Variants in CADPS observed in about 807,000 individuals in gnomAD.
The protein encoded by CADPS is calcium-dependent secretion activator 1.
A neutral mutation model predicts 167.3 loss-of-function variants in CADPS; 57 were observed. The ratio of observed to expected loss-of-function variants is 0.34; its 90% CI spans 0.28 to 0.42. CADPS has a LOEUF of 0.42. Among genes scored for constraint, CADPS ranks in the 20% least tolerant of loss-of-function variants. CADPS has a pLI of 1.00. For synonymous variants in CADPS, 676 were observed against 635.3 expected (o/e 1.06, Z -0.96); for missense variants, 1,414 against 1,738.1 (o/e 0.81, Z 3.32).
intron 2 of CADPS, among the ~76,000 whole-genome samples, chr3:62,763,597 G>A (rs1355523368): frequency 1.3e-5 from 2 of 152,160 alleles, no homozygotes; most frequent in Non-Finnish European, 2.9e-5. Context: ...ACCCAGAGTT[G>A]GGTACAGGAA....
chr3:62,401,521 T>C (rs1318115737), intron 29 of CADPS, among the ~76,000 whole-genome samples: 1 of 152,214 alleles, frequency 6.6e-6, no homozygotes, highest in Non-Finnish European at 1.5e-5. Flanking sequence ...ATAAATGAAG[T>C]GGCTGTTGAT....
intron 6 of CADPS, among the ~76,000 whole-genome samples, chr3:62,612,657 C>T (rs1431982683): frequency 2.0e-5 from 3 of 152,202 alleles, no homozygotes; most frequent in East Asian, 3.9e-4. Context: ...ATGACTTCTA[C>T]TCTGGGCTTG....
At chr3:62,626,696 G>T in intron 6 of CADPS, 1 of 554,072 alleles carries the variant, frequency 1.8e-6, no homozygotes. Context: ...AATCAATCTA[G>T]AATTTACTAA....
intron 6 of CADPS, among the ~76,000 whole-genome samples, chr3:62,600,270 CT>C (rs1388944870): frequency 6.6e-6 from 1 of 151,674 alleles, no homozygotes; most frequent in African/African-American, 2.4e-5. Flanking sequence ...TCCATGAAGG[CT>C]GAGGAATGGC....
intron 1 of CADPS, among the ~76,000 whole-genome samples, chr3:62,784,118 T>G (rs304204): frequency 0.75 from 114,466 of 152,088 alleles, 43,372 homozygotes; most frequent in East Asian, 0.95. Context: ...CAAAGACTGC[T>G]GGGATTCTAT....
chr3:62,726,989 A>C (rs934991533), intron 3 of CADPS, among the ~76,000 whole-genome samples: 1 of 151,876 alleles, frequency 6.6e-6, no homozygotes, highest in African/African-American at 2.4e-5. Flanking sequence ...GAAAACAGGA[A>C]GCACCTAGAC....
intron 28 of CADPS, among the ~76,000 whole-genome samples, chr3:62,416,630 G>T (rs1173917348): frequency 6.6e-6 from 1 of 152,106 alleles, no homozygotes; most frequent in Non-Finnish European, 1.5e-5. Context: ...CCAATAAAAA[G>T]AAAAGAACAT....
chr3:62,457,357 C>T (rs1397449150), intron 26 of CADPS, among the ~76,000 whole-genome samples: 2 of 152,118 alleles, frequency 1.3e-5, no homozygotes, highest in Non-Finnish European at 2.9e-5. Context: ...CCAGTGCACA[C>T]TGAAATAAAC....
intron 28 of CADPS, among the ~76,000 whole-genome samples, chr3:62,423,325 C>A (rs1228820563): frequency 6.6e-6 from 1 of 152,200 alleles, no homozygotes; most frequent in Non-Finnish European, 1.5e-5. Flanking sequence ...CTATGCAACA[C>A]CCATCATTGT....
intron 6 of CADPS, among the ~76,000 whole-genome samples, chr3:62,617,344 T>A (rs1200247899): frequency 1.3e-5 from 2 of 151,956 alleles, no homozygotes; most frequent in East Asian, 3.9e-4. Flanking sequence ...GTCTTAAGAA[T>A]GGAAAAAAAA....
intron 9 of CADPS, among the ~76,000 whole-genome samples, chr3:62,568,142 G>C (rs2080623159): frequency 6.6e-6 from 1 of 152,172 alleles, no homozygotes; most frequent in South Asian, 2.1e-4. Context: ...AAAGTGGTCA[G>C]AGCCAGTCTG....
rs572585437 is a variant in CADPS, at chr3:62,810,091, G to A, written c.442-44107C>T. On this transcript the variant is annotated intron_variant, in intron 1 of 29. Transcript: ENST00000383710. ...CTCTGCTGCTAAGGACCTATGTGAT[G>A]CTGGTCAAGCCACTACCATTACGGG... Among the ~76,000 whole-genome samples the A allele has an allele frequency of 8.5e-5, 13 of 152,248 alleles. No individual in the cohort carries two copies. The South Asian group carries it at 2.7e-3, about 32-fold the overall frequency.
intron 17 of CADPS, chr3:62,499,473 A>T (rs1210475365): frequency 5.0e-6 from 2 of 403,314 alleles, no homozygotes; most frequent in Admixed American, 7.2e-5. Flanking sequence ...TATTAGAAAA[A>T]AGCAGTGCTC....
At chr3:62,449,284 TC>T (rs1353977193) in intron 26 of CADPS, among the ~76,000 whole-genome samples, 1 of 152,202 alleles carries the variant, frequency 6.6e-6, no homozygotes, top group East Asian at 1.9e-4. Flanking sequence ...TCTTTTCTTT[TC>T]TTTGGATTTG....
At chr3:62,762,467 G>C (rs544166399) in intron 2 of CADPS, among the ~76,000 whole-genome samples, 1 of 151,976 alleles carries the variant, frequency 6.6e-6, no homozygotes, top group Admixed American at 6.5e-5. Flanking sequence ...GAGCAGCCTG[G>C]GCAACATAGC....
intron 6 of CADPS, among the ~76,000 whole-genome samples, chr3:62,633,516 GTCT>G (rs1248152111): frequency 2.0e-5 from 3 of 152,002 alleles, no homozygotes; most frequent in African/African-American, 7.2e-5. Flanking sequence ...CCACCCTCAG[GTCT>G]TCTTCTTGCC....
chr3:62,517,217 C>A (rs2069211603), intron 14 of CADPS, among the ~76,000 whole-genome samples: 1 of 152,110 alleles, frequency 6.6e-6, no homozygotes, highest in Non-Finnish European at 1.5e-5. Context: ...CAGAAAAAAA[C>A]TATGTCAGGT....
intron 1 of CADPS, among the ~76,000 whole-genome samples, chr3:62,864,831 A>G (rs2081392884): frequency 1.3e-5 from 2 of 152,166 alleles, no homozygotes; most frequent in South Asian, 4.1e-4. Flanking sequence ...TTTACAATTC[A>G]GACACTCACA....
At chr3:62,614,181 T>C (rs1460819032) in intron 6 of CADPS, among the ~76,000 whole-genome samples, 2 of 152,216 alleles carry the variant, frequency 1.3e-5, no homozygotes, top group African/African-American at 4.8e-5. Context: ...TTCCACATAT[T>C]ATTTTATTTA....
Sources: gnomAD v4.1 joint callset for allele counts (sites outside exome capture counted in the v4.1 genomes callset) on GRCh38, gnomAD v4.1.1 for gene constraint, MANE v1.5 for transcripts, NCBI Gene and HGNC (gene_info 2026-07-23, HGNC 2026-07-21) for gene names.